The following ARMH4 variants were observed in gnomAD, a reference collection of about 807,000 sequenced individuals.
The protein encoded by ARMH4 is armadillo-like helical domain-containing protein 4.
In ARMH4, 49 loss-of-function variants were observed where a neutral mutation model predicts 61.9. The ratio of observed to expected loss-of-function variants is 0.79; its 90% CI spans 0.63 to 1.00. The LOEUF is 1.00. Among genes scored for constraint, ARMH4 ranks in the 50% least tolerant of loss-of-function variants. The pLI is 0.00. For missense variants in ARMH4, 934 were observed against 930.0 expected (o/e 1.00, Z -0.06); for synonymous variants, 368 against 341.5 (o/e 1.08, Z -0.85).
intron 4 of ARMH4, among the ~76,000 whole-genome samples, chr14:58,119,362 C>T (rs1886643173): frequency 6.6e-6 from 1 of 152,152 alleles, no homozygotes; most frequent in South Asian, 2.1e-4. Context: ...GTTTGTCCTC[C>T]AATGCAATAA....
chr14:58,043,398 TCAA>T (rs1883800396), intron 5 of ARMH4, among the ~76,000 whole-genome samples: 1 of 152,104 alleles, frequency 6.6e-6, no homozygotes, highest in Non-Finnish European at 1.5e-5. Flanking sequence ...TTGACAAAAT[TCAA>T]CAACGCTTCA....
intron 1 of ARMH4, among the ~76,000 whole-genome samples, chr14:58,142,795 T>C (rs541774072): frequency 6.6e-6 from 1 of 152,136 alleles, no homozygotes; most frequent in Non-Finnish European, 1.5e-5. Context: ...TCTTTTTTTC[T>C]TTCCCCAGGC....
At chr14:58,083,776 C>T (rs969168103) in intron 5 of ARMH4, among the ~76,000 whole-genome samples, 2 of 152,200 alleles carry the variant, frequency 1.3e-5, no homozygotes, top group Non-Finnish European at 2.9e-5. Context: ...ACAACCCTTG[C>T]TGACTGGAAA....
Position 58,004,592 on chromosome 14 carries a change from A to C in ARMH4, c.*144T>G. 1 of 669,514 alleles carries C rather than the reference A, an allele frequency of 1.5e-6. No homozygotes were observed. Among genetic ancestry groups the C allele is most frequent in the Admixed American group, 2.4e-5 (1 of 41,152 alleles). The allele number at this position is 669,514 out of a possible 1,614,324, so 41.5% of individuals were successfully genotyped here. A position where few individuals can be genotyped will look rare whatever the true frequency, so the allele number is the denominator to read the frequency against. On this transcript the variant is annotated 3_prime_UTR_variant, in exon 8 of 8. Coordinates refer to ENST00000267485, the MANE Select transcript of ARMH4 (RefSeq NM_001001872.4). ...TGCCATTTCTGCTCAGTACAAGAAAAATCTACTACCCAGCACCCAGCAGAC... is the reference window on the plus strand; with the variant it reads ...TGCCATTTCTGCTCAGTACAAGAAACATCTACTACCCAGCACCCAGCAGAC...
intron 5 of ARMH4, among the ~76,000 whole-genome samples, chr14:58,095,711 A>G (rs1205433415): frequency 6.6e-6 from 1 of 152,226 alleles, no homozygotes. Flanking sequence ...CATGTCAACT[A>G]CAACCTGTAT....
At chr14:58,063,462 T>C (rs1175352647) in intron 5 of ARMH4, among the ~76,000 whole-genome samples, 1 of 152,204 alleles carries the variant, frequency 6.6e-6, no homozygotes, top group African/African-American at 2.4e-5. Context: ...GGAGAGTTTT[T>C]CAAGATAAAG....
rs2223935 is a variant in ARMH4 at position 58,041,048 on chromosome 14, C to T, written c.2090-28898G>A. On this transcript the variant is annotated intron_variant, in intron 5 of 7. Transcript: ENST00000267485. ...CTCCCAGCGTGAGCGACGCAGAAGA[C>T]GGGTGATTTCTGCATTTCCAACTGA... is the stretch of plus-strand genomic sequence containing the variant. Among the ~76,000 whole-genome samples the T allele has an allele frequency of 4.8e-3, 733 of 152,266 alleles. 5 individuals carry two copies. The highest frequency in any genetic ancestry group is 0.016 in the African/African-American group (658 of 41,552).
At chr14:58,107,902 G>A (rs1886218867) in intron 4 of ARMH4, among the ~76,000 whole-genome samples, 1 of 152,108 alleles carries the variant, frequency 6.6e-6, no homozygotes, top group Admixed American at 6.6e-5. Context: ...GAATGGCTCT[G>A]ACACATCCCG....
chr14:58,141,864 A>G (rs1000429207), intron 1 of ARMH4, among the ~76,000 whole-genome samples: 2 of 152,268 alleles, frequency 1.3e-5, no homozygotes, highest in East Asian at 3.8e-4. Flanking sequence ...TAAGGATTAG[A>G]AAAGGTTTAA....
At chr14:58,049,365 T>A (rs1322912353) in intron 5 of ARMH4, among the ~76,000 whole-genome samples, 1 of 152,230 alleles carries the variant, frequency 6.6e-6, no homozygotes, top group Non-Finnish European at 1.5e-5. Context: ...AATTGCACAT[T>A]ATTTTCAAAG....
At chr14:58,010,959 G>GA (rs34740963) in intron 6 of ARMH4, among the ~76,000 whole-genome samples, 4 of 151,078 alleles carry the variant, frequency 2.6e-5, no homozygotes, top group Non-Finnish European at 4.4e-5. Context: ...ATTTTTCCCT[G>GA]AAAAAATAAC....
At chr14:58,126,763 T>C (rs987008464) in intron 4 of ARMH4, among the ~76,000 whole-genome samples, 1 of 151,384 alleles carries the variant, frequency 6.6e-6, no homozygotes, top group African/African-American at 2.4e-5. Context: ...TTTAAAAAAT[T>C]AAGTTATTAA....
intron 5 of ARMH4, among the ~76,000 whole-genome samples, chr14:58,069,697 G>A (rs1239019121): frequency 2.0e-5 from 3 of 152,146 alleles, no homozygotes; most frequent in African/African-American, 4.8e-5. Flanking sequence ...AGGGAAATTT[G>A]ACGTACAGCA....
At chr14:58,144,313 C>T (rs925450372) in intron 1 of ARMH4, among the ~76,000 whole-genome samples, 7 of 152,016 alleles carry the variant, frequency 4.6e-5, no homozygotes, top group African/African-American at 1.7e-4. Flanking sequence ...CCTGTAGTCC[C>T]AATACTTTGA....
chr14:58,127,858 G>A (rs1027212015), intron 4 of ARMH4, among the ~76,000 whole-genome samples: 2 of 152,064 alleles, frequency 1.3e-5, no homozygotes, highest in African/African-American at 2.4e-5. Context: ...GAAGAAGTGC[G>A]GGGGGTGGGA....
At chr14:58,005,853 T>C (rs1882152939) in intron 6 of ARMH4, among the ~76,000 whole-genome samples, 1 of 152,146 alleles carries the variant, frequency 6.6e-6, no homozygotes, top group Non-Finnish European at 1.5e-5. Flanking sequence ...GATGGACTGA[T>C]TTCTGTGAAT....
chr14:58,111,260 G>A (rs1189353103), intron 4 of ARMH4, among the ~76,000 whole-genome samples: 1 of 151,996 alleles, frequency 6.6e-6, no homozygotes, highest in Non-Finnish European at 1.5e-5. Context: ...AGCTGTTTTA[G>A]TATTCAAAAA....
At chr14:58,044,746 AAAG>A (rs1274537140) in intron 5 of ARMH4, among the ~76,000 whole-genome samples, 5 of 152,236 alleles carry the variant, frequency 3.3e-5, no homozygotes, top group Non-Finnish European at 5.9e-5. Context: ...CAGAATCTAC[AAAG>A]AACTCAAACA....
At position 58,141,560 on chromosome 14, in the gene ARMH4, T is replaced by C. The variant is rs1446299591; in HGVS notation, c.-56-2146A>G. The C allele has an allele frequency of 2.2e-5, 11 of 510,990 alleles. No homozygotes were observed. The East Asian group carries it at 5.0e-4, about 23-fold the overall frequency. The allele number at this position is 510,990 out of a possible 1,614,324, so 31.7% of individuals were successfully genotyped here. Reference sequence around the variant, plus strand: ...GTCCAGAAATACAACTGCGACGAGATGATCTGCTGCAAGTGCTATGCTTGC... The same window carrying C: ...GTCCAGAAATACAACTGCGACGAGACGATCTGCTGCAAGTGCTATGCTTGC... On this transcript the variant is annotated intron_variant, in intron 1 of 7. Transcript: ENST00000267485.
Sources: gnomAD v4.1 joint callset for allele counts (sites outside exome capture counted in the v4.1 genomes callset) on GRCh38, gnomAD v4.1.1 for gene constraint, MANE v1.5 for transcripts, NCBI Gene and HGNC (gene_info 2026-07-23, HGNC 2026-07-21) for gene names.